The following FRAS1 variants were observed in gnomAD, a reference collection of about 807,000 sequenced individuals.
The protein encoded by FRAS1 is Fraser extracellular matrix complex subunit 1.
FRAS1 carries 290 observed loss-of-function variants against 435.2 expected under a neutral mutation model. That is an observed-to-expected ratio of 0.67 (90% confidence interval 0.61 to 0.73). The LOEUF (loss-of-function observed/expected upper bound fraction) is 0.73, where lower values mean the gene tolerates loss of function less well. Ranked by LOEUF, FRAS1 falls within the 30% of genes least tolerant of loss-of-function variation. The pLI, the probability that FRAS1 is intolerant of heterozygous loss-of-function variation, is 0.00. For missense variants in FRAS1, 4,860 were observed against 5,001.5 expected, an observed-to-expected ratio of 0.97 and a Z score of 0.85; for synonymous variants, 1,800 against 1,851.0, an observed-to-expected ratio of 0.97 and a Z score of 0.71.
At chr4:78,116,722 G>C (rs1397591704) in intron 2 of FRAS1, among the ~76,000 whole-genome samples, 2 of 152,138 alleles carry the variant, frequency 1.3e-5, no homozygotes, top group Non-Finnish European at 2.9e-5. Context: ...GCCTATGTGT[G>C]TCTCTGCACG....
intron 2 of FRAS1, chr4:78,181,768 CTCTT>C (rs1722013695): frequency 2.5e-6 from 4 of 1,610,822 alleles, no homozygotes; most frequent in Non-Finnish European, 2.5e-6. Flanking sequence ...GCTGCGTCTC[CTCTT>C]TCTTGTCAAC....
chr4:78,362,989 A>T (rs1731134409), intron 20 of FRAS1, among the ~76,000 whole-genome samples: 1 of 152,154 alleles, frequency 6.6e-6, no homozygotes, highest in Non-Finnish European at 1.5e-5. Context: ...ACAGGAATAT[A>T]AGTACTTACT....
chr4:78,306,209 G>A (rs186845541), intron 14 of FRAS1, among the ~76,000 whole-genome samples: 22 of 151,904 alleles, frequency 1.4e-4, no homozygotes, highest in Admixed American at 2.6e-4. Context: ...CTTCTGGCTT[G>A]TAGAGTTTCG....
intron 58 of FRAS1, among the ~76,000 whole-genome samples, chr4:78,484,686 C>T (rs994277647): frequency 6.6e-6 from 1 of 152,190 alleles, no homozygotes; most frequent in African/African-American, 2.4e-5. Flanking sequence ...TTGCATGTTA[C>T]TTCCAAGTTT....
chr4:78,216,264 A>G (rs1270098001), intron 2 of FRAS1, among the ~76,000 whole-genome samples: 9 of 152,252 alleles, frequency 5.9e-5, no homozygotes, highest in South Asian at 2.1e-4. Context: ...CTTCTCTTGC[A>G]AATATCTGGC....
intron 4 of FRAS1, among the ~76,000 whole-genome samples, chr4:78,248,254 A>G (rs933471401): frequency 1.3e-5 from 2 of 152,192 alleles, no homozygotes; most frequent in Non-Finnish European, 2.9e-5. Flanking sequence ...TTTGAAATTA[A>G]CTTTTGGATT....
intron 59 of FRAS1, among the ~76,000 whole-genome samples, chr4:78,495,543 A>G (rs1032634224): frequency 3.3e-5 from 5 of 152,190 alleles, no homozygotes; most frequent in African/African-American, 1.2e-4. Flanking sequence ...TACTGGTGAC[A>G]GGTTGAAATG....
intron 6 of FRAS1, among the ~76,000 whole-genome samples, chr4:78,257,332 A>G (rs755529418): frequency 6.6e-6 from 1 of 152,194 alleles, no homozygotes; most frequent in Non-Finnish European, 1.5e-5. Context: ...AGTAATGGCC[A>G]TTACCAAGGC....
At chr4:78,189,349 G>T (rs1221682074) in intron 2 of FRAS1, among the ~76,000 whole-genome samples, 1 of 152,170 alleles carries the variant, frequency 6.6e-6, no homozygotes, top group African/African-American at 2.4e-5. Flanking sequence ...GTTCAGACTG[G>T]ACTGCCATAA....
intron 2 of FRAS1, among the ~76,000 whole-genome samples, chr4:78,152,874 G>C (rs903363274): frequency 2.0e-5 from 3 of 151,986 alleles, no homozygotes; most frequent in African/African-American, 7.2e-5. Flanking sequence ...CATTTCCCTG[G>C]AAAATCGGTC....
At chr4:78,241,563 G>T (rs151287832) in intron 3 of FRAS1, among the ~76,000 whole-genome samples, 4 of 152,186 alleles carry the variant, frequency 2.6e-5, no homozygotes, top group African/African-American at 9.7e-5. Context: ...GAAGAGATGG[G>T]AGTTAGAGGG....
At chr4:78,230,554 A>G (rs1020600176) in intron 2 of FRAS1, among the ~76,000 whole-genome samples, 1 of 152,182 alleles carries the variant, frequency 6.6e-6, no homozygotes, top group Non-Finnish European at 1.5e-5. Flanking sequence ...TCGTTTCTTC[A>G]TGGTTCCCTG....
At chr4:78,443,781 G>C (rs116401135) in intron 41 of FRAS1, among the ~76,000 whole-genome samples, 1 of 152,170 alleles carries the variant, frequency 6.6e-6, no homozygotes, top group Non-Finnish European at 1.5e-5. Flanking sequence ...TTAATAGCTT[G>C]TTCTCCAGTG....
At chr4:78,255,816 AT>A (rs1725765062) in intron 6 of FRAS1, among the ~76,000 whole-genome samples, 1 of 152,244 alleles carries the variant, frequency 6.6e-6, no homozygotes, top group Non-Finnish European at 1.5e-5. Context: ...AATGATTCAA[AT>A]TATGAAAGGA....
chr4:78,188,537 T>A (rs1051225868), intron 2 of FRAS1, among the ~76,000 whole-genome samples: 2 of 152,244 alleles, frequency 1.3e-5, no homozygotes, highest in African/African-American at 4.8e-5. Context: ...GCCTTTCAAC[T>A]GTTTGGATCA....
intron 2 of FRAS1, among the ~76,000 whole-genome samples, chr4:78,189,588 G>A (rs1462527695): frequency 6.6e-6 from 1 of 152,166 alleles, no homozygotes; most frequent in African/African-American, 2.4e-5. Flanking sequence ...CAAACTTTTA[G>A]GGATGTAGGC....
At chr4:78,289,587 A>G (rs1311525893) in intron 14 of FRAS1, among the ~76,000 whole-genome samples, 1 of 152,098 alleles carries the variant, frequency 6.6e-6, no homozygotes. Flanking sequence ...TAGTTCTGGC[A>G]CTCAGACTTC....
chr4:78,062,742 T>C (rs1054006585), intron 1 of FRAS1, among the ~76,000 whole-genome samples: 1 of 152,240 alleles, frequency 6.6e-6, no homozygotes, highest in African/African-American at 2.4e-5. Context: ...TAACGTTTTT[T>C]CTGTGTGACC....
At chr4:78,442,468 G>T (rs1160261433) in intron 41 of FRAS1, among the ~76,000 whole-genome samples, 1 of 152,268 alleles carries the variant, frequency 6.6e-6, no homozygotes, top group Non-Finnish European at 1.5e-5. Flanking sequence ...TGAAGGGCTA[G>T]TAGGAATCAC....
Sources: gnomAD v4.1 joint callset for allele counts (sites outside exome capture counted in the v4.1 genomes callset) on GRCh38, gnomAD v4.1.1 for gene constraint, MANE v1.5 for transcripts, NCBI Gene and HGNC (gene_info 2026-07-23, HGNC 2026-07-21) for gene names.